The following ANK3 variants were observed in gnomAD, a reference collection of about 807,000 sequenced individuals.
ANK3 encodes ankyrin 3, also known as ankyrin-3.
A neutral mutation model predicts 370.9 loss-of-function variants in ANK3; 57 were observed. The ratio of observed to expected loss-of-function variants is 0.15; its 90% CI spans 0.12 to 0.19. The LOEUF is 0.19. ANK3 is among the 10% of genes least tolerant of loss of function. ANK3 has a pLI of 1.00. For synonymous variants in ANK3, 1,929 were observed against 1,946.3 expected (o/e 0.99, Z 0.23); for missense variants, 4,439 against 5,302.1 (o/e 0.84, Z 5.06).
At chr10:60,220,565 T>C (rs1444075924) in intron 8 of ANK3, among the ~76,000 whole-genome samples, 1 of 152,228 alleles carries the variant, frequency 6.6e-6, no homozygotes, top group Non-Finnish European at 1.5e-5. Flanking sequence ...ATAACTTAGA[T>C]ATTCCTTTGT....
chr10:60,518,123 A>G (rs1382674866), intron 2 of ANK3, among the ~76,000 whole-genome samples: 3 of 140,388 alleles, frequency 2.1e-5, no homozygotes, highest in Admixed American at 7.4e-5. Context: ...TGGCATGGCT[A>G]AAACTTACTC....
At chr10:60,252,862 G>A (rs2097688645) in intron 7 of ANK3, among the ~76,000 whole-genome samples, 1 of 152,184 alleles carries the variant, frequency 6.6e-6, no homozygotes, top group African/African-American at 2.4e-5. Flanking sequence ...ACAGGGGAAC[G>A]TGACTTGCAG....
At chr10:60,410,192 G>C (rs936634272) in intron 2 of ANK3, among the ~76,000 whole-genome samples, 1 of 152,066 alleles carries the variant, frequency 6.6e-6, no homozygotes, top group African/African-American at 2.4e-5. Context: ...ACTTTGGGAG[G>C]CTGAGGCAGG....
chr10:60,364,471 C>T (rs2059118348), intron 1 of ANK3, among the ~76,000 whole-genome samples: 1 of 152,040 alleles, frequency 6.6e-6, no homozygotes, highest in Admixed American at 6.6e-5. Flanking sequence ...CATGTTCTCA[C>T]TCATAAGTGG....
intron 2 of ANK3, among the ~76,000 whole-genome samples, chr10:60,471,776 A>G (rs1363452958): frequency 1.3e-5 from 2 of 152,096 alleles, no homozygotes. Flanking sequence ...TGACAACAAA[A>G]TTCTATACTA....
intron 7 of ANK3, among the ~76,000 whole-genome samples, chr10:60,248,218 G>A (rs1367680367): frequency 6.6e-6 from 1 of 152,118 alleles, no homozygotes; most frequent in East Asian, 1.9e-4. Flanking sequence ...TGGATCATAC[G>A]TTAACTGTAT....
intron 2 of ANK3, among the ~76,000 whole-genome samples, chr10:60,597,987 G>T (rs1413440045): frequency 1.3e-5 from 2 of 152,124 alleles, no homozygotes; most frequent in African/African-American, 4.8e-5. Context: ...TTTCGGTAAG[G>T]TGATGCTAAA....
intron 1 of ANK3, among the ~76,000 whole-genome samples, chr10:60,385,575 A>G (rs2062145051): frequency 6.6e-6 from 1 of 152,170 alleles, no homozygotes. Flanking sequence ...GAATACATGA[A>G]TACAAGAATG....
chr10:60,183,425 A>T (rs1208872550), intron 17 of ANK3, among the ~76,000 whole-genome samples: 1 of 152,226 alleles, frequency 6.6e-6, no homozygotes, highest in Non-Finnish European at 1.5e-5. Context: ...TATAAATTAT[A>T]TAAATAACAT....
intron 2 of ANK3, chr10:60,507,662 T>C (rs1163571683): frequency 1.3e-5 from 2 of 151,998 alleles, no homozygotes; most frequent in South Asian, 2.1e-4. Flanking sequence ...GTAATAACCA[T>C]TCTCAATGTA....
chr10:60,448,575 G>A (rs1311322430), intron 2 of ANK3, among the ~76,000 whole-genome samples: 2 of 152,132 alleles, frequency 1.3e-5, no homozygotes, highest in East Asian at 3.9e-4. Flanking sequence ...TGCCTTCTGC[G>A]ATAACCTGGT....
intron 2 of ANK3, among the ~76,000 whole-genome samples, chr10:60,544,627 T>C (rs945218357): frequency 5.3e-5 from 8 of 152,072 alleles, no homozygotes; most frequent in Non-Finnish European, 1.0e-4. Context: ...GACAGCTCAC[T>C]CTAAAGTGAC....
At position 60,071,418 on chromosome 10, in the gene ANK3, G is replaced by T; in HGVS notation, c.9463C>A (p.Gln3155Lys). 1 of 1,614,094 alleles carries T rather than the reference G, an allele frequency of 6.2e-7. No individual in the cohort carries two copies. Among genetic ancestry groups the T allele is most frequent in the Non-Finnish European group, 8.5e-7 (1 of 1,179,996 alleles). Reference sequence around the variant, plus strand: ...CCAGAGCTGTCTAGAAAGGATACTTGCTCTAGAGTATCATCTTCTGGACTA... The same window carrying T: ...CCAGAGCTGTCTAGAAAGGATACTTTCTCTAGAGTATCATCTTCTGGACTA... ...QGSPEDDTLE[Q>K]VSFLDSSGKS... The change falls in exon 37 of 44, where the codon CAA becomes AAA. Residue 3155 changes from glutamine to lysine, a missense_variant. Coordinates refer to ENST00000280772, the MANE Select transcript of ANK3 (RefSeq NM_020987.5).
intron 2 of ANK3, chr10:60,507,672 A>T (rs1422867222): frequency 6.6e-6 from 1 of 152,040 alleles, no homozygotes; most frequent in Admixed American, 6.6e-5. Context: ...TTCTCAATGT[A>T]AAGAAATAGC....
At chr10:60,675,337 A>G (rs16915359) in intron 1 of ANK3, among the ~76,000 whole-genome samples, 6,206 of 152,276 alleles carry the variant, frequency 0.041, 158 homozygotes, top group Middle Eastern at 0.071. Flanking sequence ...TGAGGTCATC[A>G]CTAAATGTTT....
intron 1 of ANK3, among the ~76,000 whole-genome samples, chr10:60,347,672 T>C (rs1316756177): frequency 6.6e-6 from 1 of 152,106 alleles, no homozygotes; most frequent in Non-Finnish European, 1.5e-5. Context: ...GATACAATCA[T>C]AAATCTATTG....
chr10:60,294,508 G>A (rs116024659), intron 1 of ANK3, among the ~76,000 whole-genome samples: 1,574 of 152,224 alleles, frequency 0.01, 43 homozygotes, highest in African/African-American at 0.037. Flanking sequence ...GAGGTAGGGG[G>A]CTTGCAGGGA....
At chr10:60,300,933 TCACA>T (rs1004824760) in intron 1 of ANK3, among the ~76,000 whole-genome samples, 5 of 151,884 alleles carry the variant, frequency 3.3e-5, no homozygotes, top group African/African-American at 1.2e-4. Context: ...ATATACACAC[TCACA>T]CAGACACACA....
At chr10:60,176,557 C>T (rs2095963525) in intron 18 of ANK3, among the ~76,000 whole-genome samples, 1 of 151,966 alleles carries the variant, frequency 6.6e-6, no homozygotes, top group Non-Finnish European at 1.5e-5. Context: ...AGGTCAGGAG[C>T]TCGAGATCAG....
Sources: allele counts gnomAD v4.1 joint callset (sites outside exome capture counted in the v4.1 genomes callset), GRCh38; gene constraint gnomAD v4.1.1; transcripts MANE v1.5; gene names NCBI Gene and HGNC (gene_info 2026-07-23, HGNC 2026-07-21).